Variants in LAMC2 observed in about 807,000 individuals in gnomAD.
LAMC2 encodes the protein laminin subunit gamma-2.
A neutral mutation model predicts 140.2 loss-of-function variants in LAMC2; 97 were observed. That is an observed-to-expected ratio of 0.69 (90% CI 0.59 to 0.82). LAMC2 has a LOEUF of 0.82. LAMC2 is among the 40% of genes least tolerant of loss of function. The pLI is 0.00. For missense variants in LAMC2, 1,402 were observed against 1,476.1 expected, an observed-to-expected ratio of 0.95 and a Z score of 0.82; for synonymous variants, 513 against 540.2, an observed-to-expected ratio of 0.95 and a Z score of 0.70.
intron 4 of LAMC2, 115 bp downstream of exon 4, chr1:183,218,603 C>T: frequency 1.3e-6 from 1 of 798,394 alleles, no homozygotes; most frequent in Non-Finnish European, 2.2e-6. Context: ...CGTTGATGAC[C>T]TTCTTCCTGC....
At chr1:183,206,008 T>G (rs1475257001) in intron 1 of LAMC2, among the ~76,000 whole-genome samples, 1 of 152,160 alleles carries the variant, frequency 6.6e-6, no homozygotes, top group Non-Finnish European at 1.5e-5. Flanking sequence ...AATGTCTACA[T>G]GCAATGGTAA....
chr1:183,238,221 C>A (rs1282408943), intron 18 of LAMC2, 86 bp from the exon 19 acceptor site: 1 of 953,374 alleles, frequency 1.0e-6, no homozygotes, highest in Non-Finnish European at 1.7e-6. Context: ...TCACAATGAT[C>A]TGCTGTCATG....
At chr1:183,240,799 G>A in intron 22 of LAMC2, 2 of 592,982 alleles carry the variant, frequency 3.4e-6, no homozygotes, top group East Asian at 9.1e-5. Context: ...CCGAGTGGAG[G>A]AAAGCTTGAA....
chr1:183,205,492 T>C (rs539351128), intron 1 of LAMC2, among the ~76,000 whole-genome samples: 1 of 152,246 alleles, frequency 6.6e-6, no homozygotes, highest in Non-Finnish European at 1.5e-5. Context: ...TAAAAATATC[T>C]AGTCCTGTTA....
intron 6 of LAMC2, 79 bp from the exon 7 acceptor site, chr1:183,223,056 C>A (rs978474498): frequency 3.0e-6 from 4 of 1,351,590 alleles, no homozygotes; most frequent in Admixed American, 1.8e-5. Flanking sequence ...CAGAAATTGC[C>A]GACACCAGTG....
At chr1:183,218,536 A>C (rs1257745189) in intron 4 of LAMC2, 48 bp downstream of exon 4, 1 of 1,338,924 alleles carries the variant, frequency 7.5e-7, no homozygotes, top group Non-Finnish European at 1.1e-6. Context: ...GTCCCTTGCC[A>C]ACTAGCATGA....
At chr1:183,232,136 C>T (rs776141733) in intron 12 of LAMC2, 51 bp from the exon 13 acceptor site, 3 of 1,607,168 alleles carry the variant, frequency 1.9e-6, no homozygotes, top group Admixed American at 1.7e-5. Flanking sequence ...TGGATGATCC[C>T]TTGGGTACAT....
chr1:183,212,156 G>A (rs1446841907), intron 2 of LAMC2, among the ~76,000 whole-genome samples: 1 of 152,142 alleles, frequency 6.6e-6, no homozygotes, highest in Non-Finnish European at 1.5e-5. Flanking sequence ...TGCAGGGAGA[G>A]TTTTCTGAAG....
chr1:183,237,601 A>G (rs1483469279), intron 18 of LAMC2, 97 bp downstream of exon 18: 7 of 1,206,062 alleles, frequency 5.8e-6, no homozygotes, highest in Non-Finnish European at 8.4e-6. Context: ...CTCTCTGACC[A>G]GGCACGGTGA....
In LAMC2 at chr1:183,232,195, G is replaced by A; in HGVS notation, c.1866G>A (p.Gln622=). ...CYNQVKIQMD[Q]FMQQLQRMEA... ...TTCCTGTGTGGTTTCAGATGGATCA[G>A]TTTATGCAGCAGCTTCAGAGAATGG... Residue 622 remains glutamine, a synonymous_variant, in exon 13 of 23, where the codon CAG becomes CAA. Coordinates refer to ENST00000264144, the MANE Select transcript of LAMC2 (RefSeq NM_005562.3). 6.2e-7 allele frequency: 1 copy of A among 1,613,866 alleles called. No homozygotes were observed. The highest frequency in any genetic ancestry group is 1.3e-5 in the African/African-American group (1 of 75,044).
intron 2 of LAMC2, among the ~76,000 whole-genome samples, chr1:183,209,187 T>C (rs779686944): frequency 5.9e-5 from 9 of 152,194 alleles, no homozygotes; most frequent in Non-Finnish European, 1.0e-4. Context: ...ATTATCTTTC[T>C]GGCATTATCT....
chr1:183,213,257 G>A (rs1343500469), intron 2 of LAMC2, among the ~76,000 whole-genome samples: 2 of 152,204 alleles, frequency 1.3e-5, no homozygotes, highest in East Asian at 3.8e-4. Flanking sequence ...TATCACTGAA[G>A]GCTCCTTCAA....
At chr1:183,256,627 CT>C in the LAMC2 span, among the ~76,000 whole-genome samples, 1 of 152,148 alleles carries the variant, frequency 6.6e-6, no homozygotes, top group Non-Finnish European at 1.5e-5. Context: ...TTAAACCAGC[CT>C]TGTGTGCCAG....
At chr1:183,206,608 G>T (rs567858980) in intron 1 of LAMC2, among the ~76,000 whole-genome samples, 1 of 146,470 alleles carries the variant, frequency 6.8e-6, no homozygotes, top group African/African-American at 2.5e-5. Context: ...TCATGCCACT[G>T]CACTCCACAC....
chr1:183,222,090 T>G lies in LAMC2; in HGVS notation c.642T>G (p.Asp214Glu). ...VHKITSTFHQ[D>E]VDGWKAVQRN... ...AGACTGATTATGTTTGTGTTCCAGA[T>G]GTTGATGGCTGGAAGGCTGTCCAAC... The change falls in exon 6 of 23, where the codon GAT becomes GAG. Residue 214 changes from aspartate to glutamate, a missense_variant and splice_region_variant. By Grantham distance (45) the Asp-to-Glu change is conservative (BLOSUM62 2). Coordinates refer to ENST00000264144, the MANE Select transcript of LAMC2 (RefSeq NM_005562.3). The G allele has an allele frequency of 1.9e-6, 3 of 1,614,174 alleles. No homozygotes were observed. Among genetic ancestry groups the G allele is most frequent in the Non-Finnish European group, 2.5e-6 (3 of 1,180,006 alleles).
At position 183,208,082 on chromosome 1, in the gene LAMC2, G is replaced by T. The variant is rs573852305; in HGVS notation, c.268+13G>T. On this transcript the variant is annotated intron_variant, in intron 2 of 22. Coordinates refer to ENST00000264144, the MANE Select transcript of LAMC2 (RefSeq NM_005562.3). The stretch of plus-strand genomic sequence containing the variant: ...TGTAACTCCAAAGGTAGCTGAAAAG[G>T]ACGGAAAGAGGGAGAGGGAGATGGA... 1.2e-6 allele frequency: 2 copies of T among 1,610,804 alleles called. No individual in the cohort carries two copies. The highest frequency in any genetic ancestry group is 3.3e-5 in the Admixed American group (2 of 59,994).
chr1:183,232,434 C>A, intron 13 of LAMC2, 91 bp downstream of exon 13: 1 of 1,406,272 alleles, frequency 7.1e-7, no homozygotes, highest in Non-Finnish European at 9.9e-7. Flanking sequence ...CTATGGATAT[C>A]AGTTCAGCAG....
chr1:183,222,344 C>T, intron 6 of LAMC2, 133 bp downstream of exon 6: 1 of 921,234 alleles, frequency 1.1e-6, no homozygotes, highest in Non-Finnish European at 1.8e-6. Flanking sequence ...GGTAGTGCAA[C>T]CCCAGAAGAG....
At chr1:183,246,169 C>CA (rs542775179), downstream of LAMC2, among the ~76,000 whole-genome samples, 19,594 of 75,368 alleles carry the variant, frequency 0.26, 1,757 homozygotes, top group East Asian at 0.36. Flanking sequence ...GACTCCGTCT[C>CA]AAAAAAAAAA....
Sources: allele counts gnomAD v4.1 joint callset (sites outside exome capture counted in the v4.1 genomes callset), GRCh38; gene constraint gnomAD v4.1.1; transcripts MANE v1.5; gene names NCBI Gene and HGNC (gene_info 2026-07-23, HGNC 2026-07-21).